Variants in AGPAT3 observed in about 807,000 individuals in gnomAD.
The protein encoded by AGPAT3 is 1-acylglycerol-3-phosphate O-acyltransferase 3, also known as 1-acyl-sn-glycerol-3-phosphate acyltransferase gamma.
Under a neutral mutation model 47.3 loss-of-function variants are expected in AGPAT3, and 5 were observed. That is an observed-to-expected ratio of 0.11 (90% CI 0.06 to 0.22). The LOEUF (loss-of-function observed/expected upper bound fraction) is 0.22, where lower values mean the gene tolerates loss of function less well. Ranked by LOEUF, AGPAT3 falls within the 10% of genes least tolerant of loss-of-function variation. AGPAT3 has a pLI of 1.00. For synonymous variants in AGPAT3, 212 were observed against 208.3 expected, an observed-to-expected ratio of 1.02 and a Z score of -0.15; for missense variants, 315 against 493.0, an observed-to-expected ratio of 0.64 and a Z score of 3.42.
intron 2 of AGPAT3, among the ~76,000 whole-genome samples, chr21:43,915,559 G>A (rs923734064): frequency 1.3e-5 from 2 of 151,124 alleles, no homozygotes; most frequent in African/African-American, 4.9e-5. Context: ...TTACAGGCAT[G>A]CACCACCATG....
chr21:43,932,180 G>A lies in AGPAT3; in HGVS notation c.-48-27454G>A, dbSNP rs1443847065. ...CATGATACGTTATTGTTAACTGGTC[G>A]CCACGCAGCGCGGCCGATCACGAAC... On this transcript the variant is annotated intron_variant, in intron 2 of 9. Transcript: ENST00000291572. The surrounding 1 kb of genome is among the most constrained non-coding windows in gnomAD (Gnocchi z 5.2). Among the ~76,000 whole-genome samples the A allele has an allele frequency of 1.3e-5, 2 of 152,048 alleles. No individual in the cohort carries two copies. The highest frequency in any genetic ancestry group is 4.8e-5 in the African/African-American group (2 of 41,388).
In AGPAT3 at chr21:43,961,499, C is replaced by T. The variant is rs1267895047; in HGVS notation, c.178+1640C>T. ...TGTCTCATATGGAAAACAGTGAACG[C>T]GTAGACACTTTGTCTCGTGGGAAAC... On this transcript the variant is annotated intron_variant, in intron 3 of 9. Transcript: ENST00000291572. Among the ~76,000 whole-genome samples, 8 of 120,924 alleles carry T rather than the reference C, an allele frequency of 6.6e-5. No homozygotes were observed. The Admixed American group carries it at 7.0e-4, about 11-fold the overall frequency. 79.3% of individuals were successfully genotyped at this position (120,924 alleles called of 152,430 possible).
rs1251676071 is a variant in AGPAT3 at position 43,982,241 on chromosome 21, G to A, written c.1043-63G>A. The A allele has an allele frequency of 1.5e-6, 2 of 1,316,990 alleles. No homozygotes were observed. Among genetic ancestry groups the A allele is most frequent in the Non-Finnish European group, 2.2e-6 (2 of 919,974 alleles). 81.6% of individuals were successfully genotyped at this position (1,316,990 alleles called of 1,614,324 possible). Reference sequence around the variant, plus strand: ...CAGAGGAAGGAAGCCCCAGTAACACGTTTTACAGCAAAAAGGCAAAGTCAT... The same window carrying A: ...CAGAGGAAGGAAGCCCCAGTAACACATTTTACAGCAAAAAGGCAAAGTCAT... On this transcript the variant is annotated intron_variant, in intron 9 of 9. Coordinates refer to ENST00000291572, the MANE Select transcript of AGPAT3 (RefSeq NM_020132.5). The surrounding 1 kb of genome is among the most constrained non-coding windows in gnomAD (Gnocchi z 6.2).
chr21:43,928,617 T>C (rs761425084), intron 2 of AGPAT3, among the ~76,000 whole-genome samples: 6 of 152,254 alleles, frequency 3.9e-5, no homozygotes, highest in Admixed American at 6.5e-5. Context: ...AGCTGATACA[T>C]GCGCATTTTA....
intron 2 of AGPAT3, among the ~76,000 whole-genome samples, chr21:43,944,958 C>T (rs891500558): frequency 6.6e-6 from 1 of 152,336 alleles, no homozygotes; most frequent in South Asian, 2.1e-4. Context: ...TGACTCAGCT[C>T]CGGCAGGCAA....
At chr21:43,903,530 G>A (rs879178494) in intron 1 of AGPAT3, among the ~76,000 whole-genome samples, 3 of 152,240 alleles carry the variant, frequency 2.0e-5, no homozygotes, top group East Asian at 1.9e-4. Flanking sequence ...CCAGGGCTGC[G>A]GCTGGCAGGG....
intron 2 of AGPAT3, among the ~76,000 whole-genome samples, chr21:43,959,064 CGTGGTGTGTGTGGTTTGT>C (rs2088663310): frequency 4.4e-5 from 1 of 22,634 alleles, no homozygotes. Flanking sequence ...GTATGGTATG[CGTGGTGTGTGTGGTTTGT>C]GGTGTGTGTG....
At chr21:43,943,975 G>T (rs1019425135) in intron 2 of AGPAT3, among the ~76,000 whole-genome samples, 2 of 152,252 alleles carry the variant, frequency 1.3e-5, no homozygotes, top group Non-Finnish European at 2.9e-5. Flanking sequence ...GCAGCTTCGG[G>T]AGGGTTCCAT....
chr21:43,954,302 A>C lies in AGPAT3; in HGVS notation c.-48-5332A>C, dbSNP rs1368889811. On this transcript the variant is annotated intron_variant, in intron 2 of 9. Transcript: ENST00000291572. This position sits in a 1 kb window ranked among gnomAD's most constrained non-coding sequence, Gnocchi z 4.0. ...GCAGTCAGGTTTATCAAGGAGGTCC[A>C]GGCGGGCTGGGTGTGGGGAGGTGGA... is the stretch of plus-strand genomic sequence containing the variant. Among the ~76,000 whole-genome samples, 1 of 152,184 alleles carries C rather than the reference A, an allele frequency of 6.6e-6. No individual in the cohort carries two copies. Among genetic ancestry groups the C allele is most frequent in the African/African-American group, 2.4e-5 (1 of 41,442 alleles).
chr21:43,959,916 G>C (rs949591024), intron 3 of AGPAT3, 57 bp downstream of exon 3: 22 of 1,521,230 alleles, frequency 1.4e-5, no homozygotes, highest in Non-Finnish European at 1.9e-5. Flanking sequence ...GGTGGCGCGC[G>C]ACCATGCACG....
In AGPAT3 at chr21:43,870,232, C is replaced by T. The variant is rs115448863; in HGVS notation, c.-112+4887C>T. 3.6e-3 allele frequency among the ~76,000 whole-genome samples: 551 copies of T among 152,276 alleles called. 2 individuals carry two copies. Among genetic ancestry groups the T allele is most frequent in the African/African-American group, 0.012 (516 of 41,522 alleles). On this transcript the variant is annotated intron_variant, in intron 1 of 9. Transcript: ENST00000291572. Reference sequence around the variant, plus strand: ...AATGCACTACAGCGATCAGGACACACGTGTTTCAGTGCACACAGGTTATTT... The same window carrying T: ...AATGCACTACAGCGATCAGGACACATGTGTTTCAGTGCACACAGGTTATTT...
At chr21:43,945,866 C>T (rs947631156) in intron 2 of AGPAT3, among the ~76,000 whole-genome samples, 2 of 152,220 alleles carry the variant, frequency 1.3e-5, no homozygotes, top group African/African-American at 4.8e-5. Flanking sequence ...CATGCTTGCA[C>T]AGGAGCGTGG....
chr21:43,931,404 A>G (rs2087238624), intron 2 of AGPAT3, among the ~76,000 whole-genome samples: 1 of 152,256 alleles, frequency 6.6e-6, no homozygotes, highest in South Asian at 2.1e-4. Flanking sequence ...GGAGGCCTCC[A>G]GGAAATTGAA....
At chr21:43,936,694 A>G (rs1046373793) in intron 2 of AGPAT3, among the ~76,000 whole-genome samples, 2 of 152,126 alleles carry the variant, frequency 1.3e-5, no homozygotes, top group African/African-American at 4.8e-5. Context: ...AAAACAAGAC[A>G]TCCTTTCCTT....
chr21:43,983,684 G>A lies in AGPAT3; in HGVS notation c.*1292G>A, dbSNP rs1303561337. The A allele has an allele frequency of 6.6e-6, 1 of 152,194 alleles. No homozygotes were observed. The highest frequency in any genetic ancestry group is 2.4e-5 in the African/African-American group (1 of 41,460). 9.4% of individuals were successfully genotyped at this position (152,194 alleles called of 1,614,324 possible). On this transcript the variant is annotated 3_prime_UTR_variant, in exon 10 of 10. Transcript: ENST00000291572. Reference sequence around the variant, plus strand: ...TACAGCATGTCCACTCCCCCGGCATGGCCAGGTGGGGCCCCTGGGGCAATG... The same window carrying A: ...TACAGCATGTCCACTCCCCCGGCATAGCCAGGTGGGGCCCCTGGGGCAATG...
At chr21:43,948,267 C>T (rs1294563007) in intron 2 of AGPAT3, 1 of 152,234 alleles carries the variant, frequency 6.6e-6, no homozygotes, top group Non-Finnish European at 1.5e-5. Context: ...GTTTCACGCT[C>T]CCACAGTGGC....
chr21:43,947,545 G>A (rs151333231), intron 2 of AGPAT3, among the ~76,000 whole-genome samples: 1 of 152,210 alleles, frequency 6.6e-6, no homozygotes, highest in East Asian at 1.9e-4. Flanking sequence ...TCCAGTGTCT[G>A]TCGGGGCCTT....
chr21:43,882,406 G>A (rs560716914), intron 1 of AGPAT3: 1 of 152,464 alleles, frequency 6.6e-6, no homozygotes, highest in South Asian at 2.1e-4. Context: ...GGGAGATGAA[G>A]TGGTCCCTGT....
At position 43,938,554 on chromosome 21, in the gene AGPAT3, A is replaced by G. The variant is rs1292739496; in HGVS notation, c.-48-21080A>G. ...GGTGATCCACCAGCCTCGGCCTCCCACAGTGCTGGGATTACAGGTGTGAGC... is the reference window on the plus strand; with the variant it reads ...GGTGATCCACCAGCCTCGGCCTCCCGCAGTGCTGGGATTACAGGTGTGAGC... On this transcript the variant is annotated intron_variant, in intron 2 of 9. Coordinates refer to ENST00000291572, the MANE Select transcript of AGPAT3 (RefSeq NM_020132.5). Among the ~76,000 whole-genome samples the G allele has an allele frequency of 2.6e-5, 4 of 152,056 alleles. 1 individual carries two copies. The South Asian group carries it at 8.3e-4, about 32-fold the overall frequency.
Sources: allele counts gnomAD v4.1 joint callset (sites outside exome capture counted in the v4.1 genomes callset), GRCh38; gene constraint gnomAD v4.1.1; non-coding constraint Gnocchi (gnomAD v3.1); transcripts MANE v1.5; gene names NCBI Gene and HGNC (gene_info 2026-07-23, HGNC 2026-07-21).